Variants in ARHGAP15 observed in about 807,000 individuals in gnomAD.
ARHGAP15 encodes the protein rho GTPase-activating protein 15.
In ARHGAP15, 51 loss-of-function variants were observed where a neutral mutation model predicts 63.7. That is an observed-to-expected ratio of 0.80 (90% confidence interval 0.64 to 1.01). The LOEUF is 1.01. Among genes scored for constraint, ARHGAP15 ranks in the 50% least tolerant of loss-of-function variants. The pLI, the probability that ARHGAP15 is intolerant of heterozygous loss-of-function variation, is 0.00. For synonymous variants in ARHGAP15, 191 were observed against 193.8 expected (o/e 0.99, Z 0.12); for missense variants, 560 against 564.6 (o/e 0.99, Z 0.08).
In ARHGAP15 at chr2:143,455,504, T is replaced by G. The variant is rs139019295; in HGVS notation, c.703+18462T>G. On this transcript the variant is annotated intron_variant, in intron 8 of 13. Transcript: ENST00000295095. ...ATTGCAGCCCCAGAGGTTTTATCCT[T>G]ATTTTACCCAGCCGCTATTCAAGAT... 3.6e-4 allele frequency among the ~76,000 whole-genome samples: 55 copies of G among 152,208 alleles called. No individual in the cohort carries two copies. The East Asian group carries it at 9.7e-3, about 27-fold the overall frequency.
chr2:143,360,725 C>G (rs570667009), intron 6 of ARHGAP15, among the ~76,000 whole-genome samples: 110 of 152,242 alleles, frequency 7.2e-4, no homozygotes, highest in African/African-American at 2.6e-3. Context: ...GCTTACAAAA[C>G]AGTCTGTGAC....
chr2:143,190,732 T>G (rs1266727617), intron 2 of ARHGAP15, among the ~76,000 whole-genome samples: 1 of 152,212 alleles, frequency 6.6e-6, no homozygotes, highest in East Asian at 1.9e-4. Flanking sequence ...CACTACCAAG[T>G]GATCAGCCTC....
chr2:143,744,536 G>A (rs915124979), intron 13 of ARHGAP15, among the ~76,000 whole-genome samples: 1 of 152,198 alleles, frequency 6.6e-6, no homozygotes, highest in Non-Finnish European at 1.5e-5. Flanking sequence ...TAAATCAGGA[G>A]TGTTGTCATA....
intron 11 of ARHGAP15, among the ~76,000 whole-genome samples, chr2:143,581,050 C>T (rs1156478759): frequency 6.6e-6 from 1 of 152,080 alleles, no homozygotes; most frequent in Non-Finnish European, 1.5e-5. Context: ...TCATTTTAAG[C>T]TAAAGGAACT....
chr2:143,333,641 G>A lies in ARHGAP15; in HGVS notation c.474+83041G>A, dbSNP rs896900353. ...TTTTTATCTGCCTCCTGCAGTAATGGCTGTGTTACTTCGGGGCTTCTACTT... is the reference window on the plus strand; with the variant it reads ...TTTTTATCTGCCTCCTGCAGTAATGACTGTGTTACTTCGGGGCTTCTACTT... On this transcript the variant is annotated intron_variant, in intron 6 of 13. Transcript: ENST00000295095. 3.3e-5 allele frequency among the ~76,000 whole-genome samples: 5 copies of A among 152,142 alleles called. 1 individual carries two copies. Among genetic ancestry groups the A allele is most frequent in the Non-Finnish European group, 7.4e-5 (5 of 68,026 alleles).
intron 12 of ARHGAP15, among the ~76,000 whole-genome samples, chr2:143,671,837 T>C (rs1682543565): frequency 6.6e-6 from 1 of 152,218 alleles, no homozygotes; most frequent in African/African-American, 2.4e-5. Flanking sequence ...TCTTTATGTA[T>C]TCCTTTAAAT....
In ARHGAP15 at chr2:143,218,781, G is replaced by A. The variant is rs183647578; in HGVS notation, c.296+2336G>A. Reference sequence around the variant, plus strand: ...ACAAGCCTAGATGGTATGTGATATAGCCTATTGCTCCTAGGCTACAAACAT... The same window carrying A: ...ACAAGCCTAGATGGTATGTGATATAACCTATTGCTCCTAGGCTACAAACAT... On this transcript the variant is annotated intron_variant, in intron 4 of 13. Transcript: ENST00000295095. 1.8e-3 allele frequency among the ~76,000 whole-genome samples: 270 copies of A among 152,228 alleles called. 3 individuals are homozygous for A. Among genetic ancestry groups the A allele is most frequent in the African/African-American group, 6.1e-3 (253 of 41,550 alleles).
At chr2:143,308,935 C>CAAAAAAAAAAAAAAAAAAAAA (rs35757623) in intron 6 of ARHGAP15, among the ~76,000 whole-genome samples, 2 of 107,382 alleles carry the variant, frequency 1.9e-5, no homozygotes, top group South Asian at 3.3e-4. Flanking sequence ...TCCTGGCAGC[C>CAAAAAAAAAAAAAAAAAAAAA]AAAAAAAAAA....
chr2:143,744,479 T>A (rs1372718016), intron 13 of ARHGAP15, among the ~76,000 whole-genome samples: 1 of 152,234 alleles, frequency 6.6e-6, no homozygotes, highest in African/African-American at 2.4e-5. Flanking sequence ...GGGATTTTTT[T>A]AATCCAATTG....
At chr2:143,305,696 C>CT (rs1558879726) in intron 6 of ARHGAP15, among the ~76,000 whole-genome samples, 1 of 151,884 alleles carries the variant, frequency 6.6e-6, no homozygotes, top group Non-Finnish European at 1.5e-5. Flanking sequence ...ATATATCAAA[C>CT]TTGAGATACA....
At chr2:143,457,673 A>G (rs1012498747) in intron 8 of ARHGAP15, among the ~76,000 whole-genome samples, 4 of 151,492 alleles carry the variant, frequency 2.6e-5, no homozygotes, top group African/African-American at 7.3e-5. Flanking sequence ...TTAACTATAT[A>G]CTAAATCCAC....
At chr2:143,147,528 G>A (rs183987064) in intron 1 of ARHGAP15, among the ~76,000 whole-genome samples, 64 of 152,034 alleles carry the variant, frequency 4.2e-4, no homozygotes, top group African/African-American at 1.5e-3. Flanking sequence ...AATGGCGCAG[G>A]CATTTTCTTC....
At chr2:143,326,077 T>G (rs1684237523) in intron 6 of ARHGAP15, among the ~76,000 whole-genome samples, 1 of 152,230 alleles carries the variant, frequency 6.6e-6, no homozygotes, top group Non-Finnish European at 1.5e-5. Flanking sequence ...TGTTTCAGAT[T>G]GATCCTAAAA....
At chr2:143,206,237 G>A (rs987100521) in intron 3 of ARHGAP15, among the ~76,000 whole-genome samples, 2 of 152,072 alleles carry the variant, frequency 1.3e-5, no homozygotes, top group Non-Finnish European at 2.9e-5. Context: ...ATGTCTTGAA[G>A]TTAGAGGCCA....
chr2:143,548,515 GA>G (rs899554657), intron 10 of ARHGAP15, among the ~76,000 whole-genome samples: 158 of 141,788 alleles, frequency 1.1e-3, no homozygotes, highest in Middle Eastern at 3.6e-3. Context: ...TCTTAGAAAC[GA>G]AAAAAAAAAA....
intron 11 of ARHGAP15, among the ~76,000 whole-genome samples, chr2:143,584,957 G>C (rs552258355): frequency 6.6e-6 from 1 of 152,036 alleles, no homozygotes. Flanking sequence ...TAATATCTTC[G>C]TACATGTATT....
chr2:143,653,881 T>C (rs1299678334), intron 12 of ARHGAP15, among the ~76,000 whole-genome samples: 1 of 152,224 alleles, frequency 6.6e-6, no homozygotes, highest in African/African-American at 2.4e-5. Context: ...TATGAATGAA[T>C]TAGTGTAGTC....
chr2:143,179,874 A>T (rs577365820), intron 2 of ARHGAP15, among the ~76,000 whole-genome samples: 1 of 145,750 alleles, frequency 6.9e-6, no homozygotes, highest in East Asian at 2.0e-4. Flanking sequence ...CCTGGGAGAT[A>T]AAGTGAGACA....
intron 13 of ARHGAP15, among the ~76,000 whole-genome samples, chr2:143,763,583 A>G (rs977579474): frequency 6.6e-6 from 1 of 151,592 alleles, no homozygotes; most frequent in Non-Finnish European, 1.5e-5. Flanking sequence ...TTTGGAAAAT[A>G]AATTGCATAT....
Sources: allele counts gnomAD v4.1 joint callset (sites outside exome capture counted in the v4.1 genomes callset), GRCh38; gene constraint gnomAD v4.1.1; transcripts MANE v1.5; gene names NCBI Gene and HGNC (gene_info 2026-07-23, HGNC 2026-07-21).